FAM171A1: variants seen among roughly 807,000 people sequenced by gnomAD.
FAM171A1 encodes protein FAM171A1.
FAM171A1 carries 23 observed loss-of-function variants against 74.9 expected under a neutral mutation model. The ratio of observed to expected loss-of-function variants is 0.31; its 90% CI spans 0.22 to 0.44. FAM171A1 has a LOEUF of 0.44. FAM171A1 is among the 20% of genes least tolerant of loss of function. The pLI, the probability that FAM171A1 is intolerant of heterozygous loss-of-function variation, is 1.00. For missense variants in FAM171A1, 1,162 were observed against 1,159.2 expected, an observed-to-expected ratio of 1.00 and a Z score of -0.03; for synonymous variants, 527 against 505.7, an observed-to-expected ratio of 1.04 and a Z score of -0.57.
chr10:15,219,176 G>A (rs1038386570), intron 6 of FAM171A1, among the ~76,000 whole-genome samples: 4 of 152,108 alleles, frequency 2.6e-5, no homozygotes, highest in Non-Finnish European at 5.9e-5. Flanking sequence ...CAGCTACTCT[G>A]GAGTCTGAGG....
Position 15,213,984 on chromosome 10 carries a change from C to T in FAM171A1, c.1604G>A (p.Arg535Lys), listed in dbSNP as rs1833931194. The T allele has an allele frequency of 6.2e-7, 1 of 1,614,188 alleles. No homozygotes were observed. The change falls in exon 8 of 8, where the codon AGA becomes AAA. Residue 535 changes from arginine (R) to lysine (K), a missense_variant. Transcript: ENST00000378116. This position sits in a 1 kb window ranked among gnomAD's most constrained non-coding sequence, Gnocchi z 6.8. The stretch of plus-strand genomic sequence containing the variant: ...TCGCGACATCATACATTCAGTGGGT[C>T]TGCGGTCCAGCAGCTGTTCTTTCTC... ...SPEKEQLLDR[R>K]PTECMMSRSV...
At chr10:15,219,727 G>A (rs1453239249) in intron 6 of FAM171A1, among the ~76,000 whole-genome samples, 1 of 152,110 alleles carries the variant, frequency 6.6e-6, no homozygotes, top group Non-Finnish European at 1.5e-5. Flanking sequence ...GACTACAGGC[G>A]TGTGCCACCA....
chr10:15,249,065 T>C (rs1834474249), intron 4 of FAM171A1, among the ~76,000 whole-genome samples: 1 of 151,458 alleles, frequency 6.6e-6, no homozygotes, highest in Non-Finnish European at 1.5e-5. Context: ...CAGTATGGGC[T>C]GAGCTGGAAT....
chr10:15,278,500 C>T (rs1834923646), intron 2 of FAM171A1, among the ~76,000 whole-genome samples: 2 of 152,142 alleles, frequency 1.3e-5, no homozygotes. Flanking sequence ...AGACAACACA[C>T]GTAAATGTCT....
intron 6 of FAM171A1, 126 bp downstream of exon 6, chr10:15,220,818 C>A: frequency 1.4e-6 from 1 of 736,316 alleles, no homozygotes; most frequent in Middle Eastern, 4.2e-4. Context: ...CATTTTCAGA[C>A]TTTTAACCAT....
At chr10:15,341,565 G>A (rs1206549756) in intron 1 of FAM171A1, among the ~76,000 whole-genome samples, 3 of 152,174 alleles carry the variant, frequency 2.0e-5, no homozygotes, top group African/African-American at 7.2e-5. Flanking sequence ...GTTTAATGTG[G>A]AAGACTTTGC....
chr10:15,243,798 T>G (rs1588508250), intron 5 of FAM171A1, among the ~76,000 whole-genome samples: 1 of 85,156 alleles, frequency 1.2e-5, no homozygotes, highest in Non-Finnish European at 2.6e-5. Flanking sequence ...ATACAGTCAA[T>G]GTATACATTG....
chr10:15,244,862 CG>C (rs1834411551), intron 5 of FAM171A1, among the ~76,000 whole-genome samples: 1 of 151,972 alleles, frequency 6.6e-6, no homozygotes, highest in African/African-American at 2.4e-5. Flanking sequence ...AGGATGAGGC[CG>C]GGGAGGAGAC....
chr10:15,257,517 C>A (rs764013284), intron 3 of FAM171A1, among the ~76,000 whole-genome samples: 3 of 152,116 alleles, frequency 2.0e-5, no homozygotes, highest in Non-Finnish European at 4.4e-5. Context: ...TTTGGGTGGG[C>A]AACACATCTC....
intron 5 of FAM171A1, among the ~76,000 whole-genome samples, chr10:15,231,261 G>C (rs1382602719): frequency 6.6e-6 from 1 of 152,010 alleles, no homozygotes; most frequent in Non-Finnish European, 1.5e-5. Flanking sequence ...CTGGAGTGCA[G>C]TGGTGCAATC....
Position 15,213,292 on chromosome 10 carries a change from A to G in FAM171A1, c.2296T>C (p.Tyr766His). 1 of 1,614,028 alleles carries G rather than the reference A, an allele frequency of 6.2e-7. No homozygotes were observed. The highest frequency in any genetic ancestry group is 8.5e-7 in the Non-Finnish European group (1 of 1,180,024). The change falls in exon 8 of 8, where the codon TAC becomes CAC. Residue 766 changes from tyrosine (Y) to histidine (H), a missense_variant. Transcript: ENST00000378116. This position sits in a 1 kb window ranked among gnomAD's most constrained non-coding sequence, Gnocchi z 6.8. ...TGCTGGTGCTCTTGGACGGGCGGGT[A>G]GTTCTGCTGCAGAGACAAAGCATCT... ...RGDALSLQQN[Y>H]PPVQEHQQKE...
At chr10:15,225,980 C>T (rs915260812) in intron 5 of FAM171A1, among the ~76,000 whole-genome samples, 4 of 152,182 alleles carry the variant, frequency 2.6e-5, no homozygotes, top group Non-Finnish European at 4.4e-5. Flanking sequence ...CCTGCTCAAG[C>T]CCCCTTCACC....
intron 5 of FAM171A1, among the ~76,000 whole-genome samples, chr10:15,231,011 T>C (rs918307116): frequency 6.6e-6 from 1 of 152,192 alleles, no homozygotes; most frequent in South Asian, 2.1e-4. Context: ...GTCCCCTGCA[T>C]TGGAAAAATC....
intron 1 of FAM171A1, among the ~76,000 whole-genome samples, chr10:15,321,448 C>A (rs1835485606): frequency 6.6e-6 from 1 of 152,186 alleles, no homozygotes. Flanking sequence ...CAAAACACTT[C>A]ATGTCTCAGA....
At chr10:15,345,954 T>C (rs1835813270) in intron 1 of FAM171A1, among the ~76,000 whole-genome samples, 1 of 152,040 alleles carries the variant, frequency 6.6e-6, no homozygotes, top group African/African-American at 2.4e-5. Flanking sequence ...GTTACTGTGA[T>C]GTGATAGGGA....
In FAM171A1 at chr10:15,212,069, T is replaced by C. The variant is rs1245182052; in HGVS notation, c.*846A>G. ...CATGCAGTTTAAAGCAAAAGAGACATCCTTTAATAACTGTATAAAATCCAG... is the reference window on the plus strand; with the variant it reads ...CATGCAGTTTAAAGCAAAAGAGACACCCTTTAATAACTGTATAAAATCCAG... On this transcript the variant is annotated 3_prime_UTR_variant, in exon 8 of 8. Coordinates refer to ENST00000378116, the MANE Select transcript of FAM171A1 (RefSeq NM_001010924.2). 6.6e-6 allele frequency: 1 copy of C among 152,576 alleles called. No individual in the cohort carries two copies. Among genetic ancestry groups the C allele is most frequent in the African/African-American group, 2.4e-5 (1 of 41,426 alleles). 9.5% of individuals were successfully genotyped at this position (152,576 alleles called of 1,614,324 possible).
At chr10:15,221,341 T>C (rs9423932) in intron 5 of FAM171A1, among the ~76,000 whole-genome samples, 4,177 of 152,208 alleles carry the variant, frequency 0.027, 195 homozygotes, top group African/African-American at 0.094. Flanking sequence ...CAAACACAGA[T>C]GATTTTAGCA....
intron 1 of FAM171A1, among the ~76,000 whole-genome samples, chr10:15,336,961 C>T (rs1835707988): frequency 6.6e-6 from 1 of 151,628 alleles, no homozygotes; most frequent in African/African-American, 2.4e-5. Context: ...GTGGTGTGAT[C>T]ACAACTTACT....
intron 3 of FAM171A1, among the ~76,000 whole-genome samples, chr10:15,261,837 G>A (rs972461688): frequency 3.3e-5 from 5 of 152,172 alleles, no homozygotes; most frequent in Non-Finnish European, 7.3e-5. Flanking sequence ...AGAGTTTGGG[G>A]CCGGGTGTGG....
Sources: gnomAD v4.1 joint callset for allele counts (sites outside exome capture counted in the v4.1 genomes callset) on GRCh38, gnomAD v4.1.1 for gene constraint, Gnocchi (gnomAD v3.1) non-coding constraint, MANE v1.5 for transcripts, NCBI Gene and HGNC (gene_info 2026-07-23, HGNC 2026-07-21) for gene names.